B9D1: variants seen among roughly 807,000 people sequenced by gnomAD.
B9D1 encodes B9 domain-containing protein 1.
In B9D1, 20 loss-of-function variants were observed where a neutral mutation model predicts 26.1. The ratio of observed to expected loss-of-function variants is 0.77; its 90% confidence interval spans 0.54 to 1.12. The LOEUF (loss-of-function observed/expected upper bound fraction) is 1.12. Ranked by LOEUF, B9D1 falls within the 50% of genes most tolerant of loss-of-function variation. The pLI, the probability that B9D1 is intolerant of heterozygous loss-of-function variation, is 0.00. For missense variants in B9D1, 260 were observed against 273.7 expected (o/e 0.95, Z 0.35); for synonymous variants, 105 against 103.1 (o/e 1.02, Z -0.11).
chr17:19,347,163 A>T lies in B9D1; in HGVS notation c.404+106T>A. 6.2e-7 allele frequency: 1 copy of T among 1,612,928 alleles called. No homozygotes were observed. Among genetic ancestry groups the T allele is most frequent in the Non-Finnish European group, 8.5e-7 (1 of 1,179,348 alleles). On this transcript the variant is annotated intron_variant, in intron 5 of 6. Transcript: ENST00000261499. The surrounding 1 kb of genome is among the most constrained non-coding windows in gnomAD (Gnocchi z 4.3). ...TCTATTTGTCCTCAGTGGGTGGAGC[A>T]GCTTGCAGATCTGAGGAGGCGACCA...
rs376529489 is a variant in B9D1 at position 19,347,980 on chromosome 17, A to C, written c.245-100T>G. ...CCAGCTGAGGGTGCTCAAAGGATGG[A>C]GCTCAAAACTCTGGGGTGGCAGGCT... On this transcript the variant is annotated intron_variant, in intron 3 of 6. Transcript: ENST00000261499. The surrounding 1 kb of genome is among the most constrained non-coding windows in gnomAD (Gnocchi z 4.3). 20 of 1,023,268 alleles carry C rather than the reference A, an allele frequency of 2.0e-5. No individual in the cohort carries two copies. The South Asian group carries it at 2.3e-4, about 12-fold the overall frequency. 63.4% of individuals were successfully genotyped at this position (1,023,268 alleles called of 1,614,324 possible).
rs142580883 is a variant in B9D1, at chr17:19,370,114, G to A, written c.-298+7745C>T. On this transcript the variant is annotated intron_variant, in intron 1 of 5. Coordinates refer to the B9D1 transcript ENST00000477478. This position sits in a 1 kb window ranked among gnomAD's most constrained non-coding sequence, Gnocchi z 5.1. ...ACTCAGAGAACTTGGGTACTTCACC[G>A]ACGGCCACCTCCCATCGCCCTTTCA... Among the ~76,000 whole-genome samples, 1,161 of 152,322 alleles carry A rather than the reference G, an allele frequency of 7.6e-3. 18 individuals carry two copies. The highest frequency in any genetic ancestry group is 0.027 in the African/African-American group (1,110 of 41,554).
intron 5 of B9D1, chr17:19,344,444 C>T: frequency 4.0e-6 from 1 of 251,364 alleles, no homozygotes; most frequent in Non-Finnish European, 8.1e-6. Flanking sequence ...CATGCGCCCT[C>T]CCCAGCCCCA....
intron 6 of B9D1, 41 bp from the exon 7 acceptor site, chr17:19,343,502 CAG>C (rs1240015838): frequency 1.9e-5 from 30 of 1,613,370 alleles, no homozygotes; most frequent in Non-Finnish European, 2.5e-5. Context: ...TGGGCTGGGG[CAG>C]AGAGAGACCC....
intron 1 of B9D1, chr17:19,377,774 G>C: frequency 1.0e-6 from 1 of 953,110 alleles, no homozygotes; most frequent in African/African-American, 1.8e-5. Flanking sequence ...CAGAGGAGCA[G>C]AGGTTGGGCG....
At chr17:19,362,789 G>T, upstream of B9D1, 1 of 1,379,760 alleles carries the variant, frequency 7.2e-7, no homozygotes, top group Non-Finnish European at 9.8e-7. Context: ...CCACGCCGAG[G>T]CTCCACCCCT....
upstream of B9D1, among the ~76,000 whole-genome samples, chr17:19,365,215 G>A (rs1911524483): frequency 1.3e-5 from 2 of 152,260 alleles, no homozygotes; most frequent in African/African-American, 4.8e-5. This position sits in a 1 kb window ranked among gnomAD's most constrained non-coding sequence, Gnocchi z 5.0. Flanking sequence ...AGAGCCCTCG[G>A]GCCCTGCTGA....
rs1911832801 is a variant in B9D1 at position 19,370,346 on chromosome 17, G to A, written c.-298+7513C>T. On this transcript the variant is annotated intron_variant, in intron 1 of 5. Coordinates refer to the B9D1 transcript ENST00000477478. This position sits in a 1 kb window ranked among gnomAD's most constrained non-coding sequence, Gnocchi z 5.1. The stretch of plus-strand genomic sequence containing the variant: ...CTCAGGGAGAACAACCCTCAGAGGA[G>A]ATGGCCCCTGGCTGAGCCTGGAGAT... 6.6e-6 allele frequency among the ~76,000 whole-genome samples: 1 copy of A among 152,244 alleles called. No homozygotes were observed. Among genetic ancestry groups the A allele is most frequent in the African/African-American group, 2.4e-5 (1 of 41,474 alleles).
upstream of B9D1, chr17:19,363,111 C>G: frequency 6.1e-6 from 1 of 165,204 alleles, no homozygotes; most frequent in Non-Finnish European, 1.4e-5. Context: ...TCGGGGCTAA[C>G]TCTGGAATGC....
chr17:19,374,309 C>A (rs1245174336), intron 1 of B9D1, among the ~76,000 whole-genome samples: 1 of 152,092 alleles, frequency 6.6e-6, no homozygotes, highest in Non-Finnish European at 1.5e-5. Context: ...TCGATGGCTA[C>A]GTAGAAATGC....
At chr17:19,363,939 G>T (rs1284886235), upstream of B9D1, among the ~76,000 whole-genome samples, 1 of 152,180 alleles carries the variant, frequency 6.6e-6, no homozygotes, top group African/African-American at 2.4e-5. Flanking sequence ...GGTGGCCCAA[G>T]TGCTGCACCC....
At chr17:19,345,247 G>C (rs1489487770) in intron 5 of B9D1, among the ~76,000 whole-genome samples, 1 of 152,056 alleles carries the variant, frequency 6.6e-6, no homozygotes, top group Non-Finnish European at 1.5e-5. Flanking sequence ...GAGGTAGGCA[G>C]GGCCCGACCA....
intron 3 of B9D1, among the ~76,000 whole-genome samples, 171 bp from the exon 4 acceptor site, chr17:19,348,051 A>T (rs1909095821): frequency 6.6e-6 from 1 of 151,954 alleles, no homozygotes; most frequent in Non-Finnish European, 1.5e-5. Flanking sequence ...TGTGCCAAAG[A>T]CTTCTGCCCA....
intron 1 of B9D1, among the ~76,000 whole-genome samples, 193 bp from the exon 2 acceptor site, chr17:19,360,581 C>T (rs965067761): frequency 6.6e-6 from 1 of 152,174 alleles, no homozygotes. Context: ...CCAGGTGCCA[C>T]GGCCCCTGGC....
Position 19,362,653 on chromosome 17 carries a change from C to T in B9D1, c.-84G>A, listed in dbSNP as rs1029354359. Reference sequence around the variant, plus strand: ...CCGGCGTTGCCCTAGAAACAGACGGCGTAGCGCGCAGGACACGTTTCTTGG... The same window carrying T: ...CCGGCGTTGCCCTAGAAACAGACGGTGTAGCGCGCAGGACACGTTTCTTGG... On this transcript the variant is annotated 5_prime_UTR_variant, in exon 1 of 7. Transcript: ENST00000261499. The T allele has an allele frequency of 5.2e-6, 8 of 1,551,790 alleles. No homozygotes were observed. In the Middle Eastern group the frequency reaches 6.7e-4, roughly 130 times the overall value.
At chr17:19,350,988 G>A (rs559080968) in intron 3 of B9D1, among the ~76,000 whole-genome samples, 43 of 152,058 alleles carry the variant, frequency 2.8e-4, no homozygotes, top group East Asian at 3.9e-4. Context: ...ACAGGCGTGC[G>A]CCACCAAACC....
At chr17:19,360,221 C>T in intron 2 of B9D1, 99 bp downstream of exon 2, 2 of 1,153,260 alleles carry the variant, frequency 1.7e-6, no homozygotes, top group Non-Finnish European at 2.6e-6. Flanking sequence ...TCAGTCTCTA[C>T]CTCTTAACTT....
chr17:19,364,257 G>A (rs187165522), upstream of B9D1, among the ~76,000 whole-genome samples: 45 of 152,286 alleles, frequency 3.0e-4, no homozygotes, highest in Admixed American at 2.9e-3. This position sits in a 1 kb window ranked among gnomAD's most constrained non-coding sequence, Gnocchi z 4.3. Context: ...GTTCTAGGGT[G>A]GCCTTCAGGG....
rs1912173414 is a variant in B9D1 at position 19,377,220 on chromosome 17, GTCTC to G, written c.-298+635_-298+638del. Among the ~76,000 whole-genome samples the G allele has an allele frequency of 2.0e-5, 3 of 152,300 alleles. No homozygotes were observed. The South Asian group carries it at 6.2e-4, about 32-fold the overall frequency. On this transcript the variant is annotated intron_variant, in intron 1 of 5. Transcript: ENST00000477478. The stretch of plus-strand genomic sequence containing the variant: ...AACTTTCTAAATTGACTTGAGACTT[GTCTC>G]AGATACTTGGTTCACATAGGTTTCT...
Sources: gnomAD v4.1 joint callset for allele counts (sites outside exome capture counted in the v4.1 genomes callset) on GRCh38, gnomAD v4.1.1 for gene constraint, Gnocchi (gnomAD v3.1) non-coding constraint, MANE v1.5 for transcripts, NCBI Gene and HGNC (gene_info 2026-07-23, HGNC 2026-07-21) for gene names.